CADM2: variants seen among roughly 807,000 people sequenced by gnomAD.
CADM2 encodes immunoglobulin superfamily member 4D.
CADM2 carries 12 observed loss-of-function variants against 49.8 expected under a neutral mutation model. The observed-to-expected ratio is 0.24, with a 90% CI of 0.15 to 0.39. The LOEUF is 0.39. Ranked by LOEUF, CADM2 falls within the 10% of genes least tolerant of loss-of-function variation. The probability of loss-of-function intolerance (pLI) is 1.00; values close to 1 mark genes in which losing one functional copy is unlikely to be tolerated. For missense variants in CADM2, 378 were observed against 492.3 expected (o/e 0.77, Z 2.20); for synonymous variants, 214 against 175.4 (o/e 1.22, Z -1.74).
chr3:85,210,640 C>T (rs183254224), intron 1 of CADM2, among the ~76,000 whole-genome samples: 2 of 152,198 alleles, frequency 1.3e-5, no homozygotes, highest in Admixed American at 6.5e-5. Flanking sequence ...CTCCCAGGCT[C>T]AAGCCATCCT....
At chr3:85,762,517 C>T (rs893950729) in intron 2 of CADM2, among the ~76,000 whole-genome samples, 1 of 151,864 alleles carries the variant, frequency 6.6e-6, no homozygotes. Flanking sequence ...TAGTTACCTA[C>T]ACCTCCAGTT....
intron 1 of CADM2, among the ~76,000 whole-genome samples, chr3:85,460,552 A>G (rs1169095010): frequency 6.6e-6 from 1 of 152,028 alleles, no homozygotes; most frequent in Admixed American, 6.6e-5. Flanking sequence ...CTCTCTAATT[A>G]TTGGTTTTGT....
intron 8 of CADM2, among the ~76,000 whole-genome samples, chr3:85,969,988 C>T (rs1170664665): frequency 5.9e-5 from 1 of 16,894 alleles, no homozygotes; most frequent in African/African-American, 2.5e-3. Context: ...TATATATATA[C>T]ACTCATACAC....
intron 1 of CADM2, among the ~76,000 whole-genome samples, chr3:85,607,293 G>T (rs2063562478): frequency 6.6e-6 from 1 of 152,116 alleles, no homozygotes; most frequent in South Asian, 2.1e-4. Context: ...TGATGGCAGG[G>T]TTACATAATT....
chr3:85,408,607 C>G (rs545473402), intron 1 of CADM2, among the ~76,000 whole-genome samples: 1 of 152,278 alleles, frequency 6.6e-6, no homozygotes, highest in East Asian at 1.9e-4. Flanking sequence ...AATGTAAACA[C>G]ATAACTGCTA....
chr3:85,249,590 A>G (rs932637689), intron 1 of CADM2, among the ~76,000 whole-genome samples: 2 of 152,002 alleles, frequency 1.3e-5, no homozygotes, highest in African/African-American at 4.8e-5. Flanking sequence ...ATTATTTAAC[A>G]TTACCAGAAT....
chr3:85,886,246 T>G lies in CADM2; in HGVS notation c.448T>G (p.Leu150Val), dbSNP rs1559722138. ...GFSSPVMEGD[L>V]MQLTCKTSGS... ...CTCATCACCAGTTATGGAGGGTGAC[T>G]TGATGCAGCTGACTTGCAAAACATC... is the stretch of plus-strand genomic sequence containing the variant. The change falls in exon 5 of 10, where the codon TTG (leucine) becomes GTG (valine). Residue 150 changes from leucine (L) to valine (V), a missense_variant. Leu to Val is a conservative substitution (Grantham distance 32, BLOSUM62 1). Coordinates refer to ENST00000383699, the MANE Select transcript of CADM2 (RefSeq NM_001167675.2). 1 of 1,613,958 alleles carries G rather than the reference T, an allele frequency of 6.2e-7. No homozygotes were observed.
chr3:85,086,898 C>T (rs2037403550), intron 1 of CADM2, among the ~76,000 whole-genome samples: 1 of 152,100 alleles, frequency 6.6e-6, no homozygotes, highest in Admixed American at 6.6e-5. Context: ...TAGCCATCTG[C>T]TTTCATAGCA....
chr3:86,064,496 AGTAGT>A (rs1270456416), intron 8 of CADM2, among the ~76,000 whole-genome samples: 1 of 152,132 alleles, frequency 6.6e-6, no homozygotes, highest in African/African-American at 2.4e-5. Flanking sequence ...TGCTATTGCG[AGTAGT>A]GCCGCAATAA....
chr3:85,027,040 T>G (rs1027570082), intron 1 of CADM2, among the ~76,000 whole-genome samples: 2 of 151,518 alleles, frequency 1.3e-5, no homozygotes, highest in African/African-American at 4.8e-5. Context: ...GCTCTTAATA[T>G]ATATTCATGT....
At chr3:85,377,225 G>A (rs1461398247) in intron 1 of CADM2, among the ~76,000 whole-genome samples, 8 of 152,000 alleles carry the variant, frequency 5.3e-5, no homozygotes, top group Admixed American at 4.6e-4. Context: ...TTTATTTTGT[G>A]CTTTGTGACA....
intron 1 of CADM2, among the ~76,000 whole-genome samples, chr3:85,021,215 A>G (rs1236684883): frequency 6.6e-6 from 1 of 152,000 alleles, no homozygotes; most frequent in East Asian, 1.9e-4. Flanking sequence ...AAATAGTCCA[A>G]ATTTTGTCGT....
intron 1 of CADM2, among the ~76,000 whole-genome samples, chr3:84,972,435 C>G (rs1187720389): frequency 6.6e-6 from 1 of 152,066 alleles, no homozygotes; most frequent in Non-Finnish European, 1.5e-5. Flanking sequence ...ATATATGTGC[C>G]TCTGTAAATT....
rs111595648 is a variant in CADM2 at position 85,003,066 on chromosome 3, G to A, written c.61+43398G>A. Reference sequence around the variant, plus strand: ...CTGCCTCAGCCTCTCAAAGTGCTGGGATTACAGGCATGAGCTACCTCACCT... The same window carrying A: ...CTGCCTCAGCCTCTCAAAGTGCTGGAATTACAGGCATGAGCTACCTCACCT... On this transcript the variant is annotated intron_variant, in intron 1 of 9. Coordinates refer to ENST00000383699, the MANE Select transcript of CADM2 (RefSeq NM_001167675.2). Among the ~76,000 whole-genome samples the A allele has an allele frequency of 6.4e-3, 969 of 152,260 alleles. 15 individuals are homozygous for A. The highest frequency in any genetic ancestry group is 0.022 in the African/African-American group (927 of 41,544).
chr3:85,394,792 T>C lies in CADM2; in HGVS notation c.62-331730T>C, dbSNP rs911152174. ...TCTGAGAAAAGTCTGTAGGGTATTATTGCTGTTCAATTATTTTATATTTTC... is the reference window on the plus strand; with the variant it reads ...TCTGAGAAAAGTCTGTAGGGTATTACTGCTGTTCAATTATTTTATATTTTC... On this transcript the variant is annotated intron_variant, in intron 1 of 9. Transcript: ENST00000383699. 8.9e-4 allele frequency among the ~76,000 whole-genome samples: 136 copies of C among 152,302 alleles called. 1 individual carries two copies. Among genetic ancestry groups the C allele is most frequent in the African/African-American group, 3.1e-3 (128 of 41,576 alleles).
intron 1 of CADM2, among the ~76,000 whole-genome samples, chr3:85,372,904 A>G (rs2107325027): frequency 6.6e-6 from 1 of 151,896 alleles, no homozygotes; most frequent in Non-Finnish European, 1.5e-5. Flanking sequence ...GGAGAAACCT[A>G]CCCCCATGAT....
intron 1 of CADM2, among the ~76,000 whole-genome samples, chr3:85,688,527 C>T (rs1209655479): frequency 2.6e-5 from 4 of 151,658 alleles, no homozygotes; most frequent in African/African-American, 9.7e-5. Flanking sequence ...ATGCTATAAC[C>T]ACCTTGGTGA....
chr3:85,143,548 C>G (rs1002149256), intron 1 of CADM2, among the ~76,000 whole-genome samples: 1 of 152,148 alleles, frequency 6.6e-6, no homozygotes, highest in African/African-American at 2.4e-5. Context: ...ACCTTTTCAC[C>G]TAATTACCAA....
intron 1 of CADM2, among the ~76,000 whole-genome samples, chr3:85,359,666 A>ATATATATTTTTT: frequency 5.7e-4 from 15 of 26,544 alleles, no homozygotes; most frequent in South Asian, 4.2e-3. Context: ...ATATATATAT[A>ATATATATTTTTT]TTTTTTTTTT....
Sources: gnomAD v4.1 joint callset for allele counts (sites outside exome capture counted in the v4.1 genomes callset) on GRCh38, gnomAD v4.1.1 for gene constraint, MANE v1.5 for transcripts, NCBI Gene and HGNC (gene_info 2026-07-23, HGNC 2026-07-21) for gene names.